MS4A12: variants seen among roughly 807,000 people sequenced by gnomAD.
MS4A12 encodes membrane-spanning 4-domains subfamily A member 12.
Under a neutral mutation model 23.7 loss-of-function variants are expected in MS4A12, and 28 were observed. The observed-to-expected ratio is 1.18, with a 90% CI of 0.88 to 1.62. The LOEUF (loss-of-function observed/expected upper bound fraction) is 1.62. Among genes scored for constraint, MS4A12 ranks in the 40% most tolerant of loss-of-function variants. The pLI is 0.00. For missense variants in MS4A12, 342 were observed against 327.0 expected, an observed-to-expected ratio of 1.05 and a Z score of -0.35; for synonymous variants, 108 against 110.1, an observed-to-expected ratio of 0.98 and a Z score of 0.12.
rs1357430027 is a variant in MS4A12, at chr11:60,497,380, C to A, written c.62C>A (p.Pro21Gln). ...AATGAAACCATACCCAACCCTTACCCACCAAGCAGCTTTATGGCTCCTGGA... is the reference window on the plus strand; with the variant it reads ...AATGAAACCATACCCAACCCTTACCAACCAAGCAGCTTTATGGCTCCTGGA... ...EVNETIPNPY[P>Q]PSSFMAPGFQ... is the part of the protein sequence containing the mutation. Residue 21 changes from proline (P) to glutamine (Q), a missense_variant, in exon 2 of 7, where the codon CCA (proline) becomes CAA (glutamine). Coordinates refer to ENST00000016913, the MANE Select transcript of MS4A12 (RefSeq NM_017716.3). 2.5e-6 allele frequency: 4 copies of A among 1,614,194 alleles called. No homozygotes were observed. The South Asian group carries it at 3.3e-5, about 13-fold the overall frequency.
chr11:60,497,131 C>T (rs1036002799), intron 1 of MS4A12, among the ~76,000 whole-genome samples, 182 bp from the exon 2 acceptor site: 7 of 152,320 alleles, frequency 4.6e-5, no homozygotes, highest in African/African-American at 1.7e-4. Context: ...AGACAGGTAC[C>T]AGTCCTTGGC....
chr11:60,502,654 A>C (rs931561753), intron 4 of MS4A12, among the ~76,000 whole-genome samples: 1 of 152,216 alleles, frequency 6.6e-6, no homozygotes, highest in Non-Finnish European at 1.5e-5. Flanking sequence ...AAAGTGATTT[A>C]TCAAGAACTA....
At chr11:60,493,256 A>G (rs889717001) in intron 1 of MS4A12, among the ~76,000 whole-genome samples, 1 of 151,896 alleles carries the variant, frequency 6.6e-6, no homozygotes, top group Non-Finnish European at 1.5e-5. Context: ...GGTGCCTGTA[A>G]TCCCAGCTAC....
rs773669521 is a variant in MS4A12, at chr11:60,503,774, A to G, written c.545A>G (p.Asp182Gly). 4 of 1,613,734 alleles carry G rather than the reference A, an allele frequency of 2.5e-6. No individual in the cohort carries two copies. In the Admixed American group the frequency reaches 5.0e-5, roughly 20 times the overall value. ...ATTGGAGTGATTCTGCTGCTGGTGG[A>G]TATGTGCATCAATGGGGTAGCTGGC... ...AFIGVILLLVDMCINGVAGQD... is the reference protein window; with the variant it reads ...AFIGVILLLVGMCINGVAGQD... The change falls in exon 5 of 7, where the codon GAT becomes GGT. Residue 182 changes from aspartate to glycine, a missense_variant. Transcript: ENST00000016913.
intron 5 of MS4A12, among the ~76,000 whole-genome samples, 185 bp from the exon 6 acceptor site, chr11:60,506,543 G>A (rs2086570881): frequency 6.6e-6 from 1 of 151,998 alleles, no homozygotes; most frequent in South Asian, 2.1e-4. Flanking sequence ...AAGACTTCTG[G>A]CATTTTAAAG....
intron 5 of MS4A12, 35 bp downstream of exon 5, chr11:60,503,852 A>T (rs2298556): frequency 0.46 from 723,114 of 1,559,606 alleles, 170,102 homozygotes; most frequent in Admixed American, 0.64. Context: ...TGCCTGCTCT[A>T]TTTTCAGTCC....
intron 5 of MS4A12, among the ~76,000 whole-genome samples, chr11:60,505,521 CA>C (rs5792187): frequency 0.59 from 89,145 of 150,908 alleles, 26,518 homozygotes; most frequent in African/African-American, 0.67. Context: ...AAAAACTATT[CA>C]AAAAAAAACA....
At chr11:60,503,670 A>G (rs2086548139) in intron 4 of MS4A12, 31 bp from the exon 5 acceptor site, 1 of 1,525,896 alleles carries the variant, frequency 6.6e-7, no homozygotes, top group African/African-American at 1.4e-5. Flanking sequence ...GATCCTGTAT[A>G]TAATTGATTT....
At chr11:60,494,361 C>T (rs997394790) in intron 1 of MS4A12, among the ~76,000 whole-genome samples, 5 of 151,404 alleles carry the variant, frequency 3.3e-5, no homozygotes, top group East Asian at 1.9e-4. Context: ...TAAAATTTCT[C>T]GAGACAAAAA....
intron 1 of MS4A12, among the ~76,000 whole-genome samples, chr11:60,495,923 C>T (rs1170353815): frequency 6.6e-6 from 1 of 152,176 alleles, no homozygotes; most frequent in Non-Finnish European, 1.5e-5. Context: ...TACCCTGTCA[C>T]CAAGGCTGGC....
Position 60,497,614 on chromosome 11 carries a change from G to C in MS4A12, c.276+20G>C. The C allele has an allele frequency of 6.2e-7, 1 of 1,611,386 alleles. No individual in the cohort carries two copies. The highest frequency in any genetic ancestry group is 1.7e-5 in the Admixed American group (1 of 59,872). The stretch of plus-strand genomic sequence containing the variant: ...CTAGGGGTAAGTCTATTTACTACCA[G>C]AATTTTAATTTCACATTTGCAAGGT... On this transcript the variant is annotated intron_variant, in intron 2 of 6. Transcript: ENST00000016913.
intron 2 of MS4A12, 156 bp downstream of exon 2, chr11:60,497,750 T>C (rs2086501250): frequency 1.2e-6 from 1 of 850,802 alleles, no homozygotes. Flanking sequence ...GACTTTCCCT[T>C]GAGTTCATTT....
rs1793746525 is a variant in MS4A12, at chr11:60,492,820, A to C, written c.-15A>C. On this transcript the variant is annotated 5_prime_UTR_variant, in exon 1 of 7. Transcript: ENST00000016913. Reference sequence around the variant, plus strand: ...GAAAGAGGAAACATAGAGGTGCCAAAGGAACAAAGTAAGTCCATTGATACG... The same window carrying C: ...GAAAGAGGAAACATAGAGGTGCCAACGGAACAAAGTAAGTCCATTGATACG... The C allele has an allele frequency of 6.6e-6, 1 of 152,262 alleles. No homozygotes were observed. Among genetic ancestry groups the C allele is most frequent in the African/African-American group, 2.4e-5 (1 of 41,462 alleles). The allele number at this position is 152,262 out of a possible 1,614,324, so 9.4% of individuals were successfully genotyped here.
intron 1 of MS4A12, among the ~76,000 whole-genome samples, chr11:60,494,470 A>T (rs1286832093): frequency 6.6e-6 from 1 of 152,170 alleles, no homozygotes; most frequent in East Asian, 1.9e-4. Context: ...AGCTCAAAAA[A>T]ATTCTTGTTC....
chr11:60,504,995 A>C (rs1037758397), intron 5 of MS4A12, among the ~76,000 whole-genome samples: 5 of 152,212 alleles, frequency 3.3e-5, no homozygotes, highest in Non-Finnish European at 5.9e-5. Context: ...AATTTGAATG[A>C]TCACTTTTGT....
intron 5 of MS4A12, 78 bp from the exon 6 acceptor site, chr11:60,506,650 G>A (rs1396242261): frequency 2.3e-5 from 23 of 1,021,052 alleles, no homozygotes; most frequent in Non-Finnish European, 3.3e-5. Context: ...TAGCACATTT[G>A]ATGAGTCAAT....
chr11:60,501,143 T>C lies in MS4A12; in HGVS notation c.375T>C (p.Thr125=). 1 of 1,613,324 alleles carries C rather than the reference T, an allele frequency of 6.2e-7. No individual in the cohort carries two copies. The highest frequency in any genetic ancestry group is 1.1e-5 in the South Asian group (1 of 90,860). The change falls in exon 3 of 7, where the codon ACT becomes ACC. Residue 125 remains threonine (T), a synonymous_variant. Transcript: ENST00000016913. ...GAGAAGTATTAGGTTTTGCCTCTAC[T>C]GCTGTTATTGGTGGATACCCATTCT... ...SFREVLGFAS[T]AVIGGYPFWG...
rs189853008 is a variant in MS4A12 at position 60,501,183 on chromosome 11, G to A, written c.414+1G>A. ...ATACCCATTCTGGGGTGGCCTTTCTGTGAGTAGATTGCTAGAACACCAGTC... is the reference window on the plus strand; with the variant it reads ...ATACCCATTCTGGGGTGGCCTTTCTATGAGTAGATTGCTAGAACACCAGTC... On this transcript the variant is annotated splice_donor_variant, in intron 3 of 6. Transcript: ENST00000016913. LOFTEE classifies it high-confidence loss of function. 71 of 1,602,496 alleles carry A rather than the reference G, an allele frequency of 4.4e-5. No individual in the cohort carries two copies. In the Admixed American group the frequency reaches 1.0e-3, roughly 23 times the overall value.
intron 1 of MS4A12, among the ~76,000 whole-genome samples, chr11:60,493,376 TAAAAAA>T (rs59628484): frequency 3.0e-5 from 4 of 135,028 alleles, no homozygotes; most frequent in Non-Finnish European, 3.2e-5. Context: ...AACTCCATCT[TAAAAAA>T]AAAAAAAAAA....
Sources: allele counts gnomAD v4.1 joint callset (sites outside exome capture counted in the v4.1 genomes callset), GRCh38; gene constraint gnomAD v4.1.1; transcripts MANE v1.5; gene names NCBI Gene and HGNC (gene_info 2026-07-23, HGNC 2026-07-21).